Variants in GZMH observed in about 807,000 individuals in gnomAD.
GZMH encodes the protein cathepsin G-like 2, protein h-CCPX.
Under a neutral mutation model 20.7 loss-of-function variants are expected in GZMH, and 24 were observed. The observed-to-expected ratio is 1.16, with a 90% CI of 0.84 to 1.63. The LOEUF is 1.63. Ranked by LOEUF, GZMH falls within the 40% of genes most tolerant of loss-of-function variation. The probability of loss-of-function intolerance (pLI) is 0.00; values close to 1 mark genes in which losing one functional copy is unlikely to be tolerated. For missense variants in GZMH, 344 were observed against 302.7 expected (o/e 1.14, Z -1.01); for synonymous variants, 119 against 116.1 (o/e 1.02, Z -0.16).
chr14:24,608,732 T>A (rs1470271750), intron 1 of GZMH, among the ~76,000 whole-genome samples: 2 of 152,248 alleles, frequency 1.3e-5, no homozygotes, highest in Admixed American at 6.5e-5. Context: ...AGGCTCCTCC[T>A]TTTTAGTGAG....
rs1192257740 is a variant in GZMH, at chr14:24,608,431, A to C, written c.56-19T>G. The C allele has an allele frequency of 6.2e-7, 1 of 1,613,704 alleles. No homozygotes were observed. Among genetic ancestry groups the C allele is most frequent in the South Asian group, 1.1e-5 (1 of 91,016 alleles). On this transcript the variant is annotated intron_variant, in intron 1 of 4. Coordinates refer to ENST00000216338, the MANE Select transcript of GZMH (RefSeq NM_033423.5). ...ATCTCCTCTGAAAGGAAAGACTGGA[A>C]GATAAAGTAGCTGGGGATGGCTGCA...
At position 24,606,752 on chromosome 14, in the gene GZMH, A is replaced by G; in HGVS notation, c.598-6T>C. On this transcript the variant is annotated splice_region_variant and splice_polypyrimidine_tract_variant and intron_variant, in intron 4 of 4. Coordinates refer to ENST00000216338, the MANE Select transcript of GZMH (RefSeq NM_033423.5). ...AGGGGCCCCCCGGAGTCCCCCTGTG[A>G]ACAGAGAGAGGAAAGACTGAGCTAG... 6.2e-7 allele frequency: 1 copy of G among 1,611,866 alleles called. No individual in the cohort carries two copies.
At position 24,607,683 on chromosome 14, in the gene GZMH, G is replaced by A; in HGVS notation, c.268C>T (p.Pro90Ser). The change falls in exon 3 of 5, where the codon CCT (proline) becomes TCT (serine). Residue 90 changes from proline (P) to serine (S), a missense_variant. Coordinates refer to ENST00000216338, the MANE Select transcript of GZMH (RefSeq NM_033423.5). ...KEQERTQQFI[P>S]VKRPIPHPAY... ...GGATGGGGGATGGGTCTTTTCACAGGGATAAACTGCTGGGTCCGCTCCTGT... is the reference window on the plus strand; with the variant it reads ...GGATGGGGGATGGGTCTTTTCACAGAGATAAACTGCTGGGTCCGCTCCTGT... 2.5e-6 allele frequency: 4 copies of A among 1,613,830 alleles called. No individual in the cohort carries two copies. The highest frequency in any genetic ancestry group is 3.4e-6 in the Non-Finnish European group (4 of 1,179,874).
rs773896815 is a variant in GZMH, at chr14:24,607,258, A to G, written c.488T>C (p.Leu163Ser). The G allele has an allele frequency of 1.2e-6, 2 of 1,614,114 alleles. No homozygotes were observed. The highest frequency in any genetic ancestry group is 1.7e-6 in the Non-Finnish European group (2 of 1,180,012). Residue 163 changes from leucine (L) to serine (S), a missense_variant, in exon 4 of 5, where the codon TTG (leucine) becomes TCG (serine). Physicochemically the swap from Leu to Ser is moderately radical, Grantham distance 145. Transcript: ENST00000216338. ...CTGGCAGTCCTTCTGCACTGTCAGC[A>G]ACACTTCCTGCAGTGTGGTTGCTAA... Reference protein sequence around the residue: ...STLATTLQEVLLTVQKDCQCE... With the variant: ...STLATTLQEVSLTVQKDCQCE...
rs373325699 is a variant in GZMH at position 24,606,735 on chromosome 14, C to A, written c.609G>T (p.Gly203=). The change falls in exon 5 of 5, where the codon GGG becomes GGT. Residue 203 remains glycine, a synonymous_variant. Transcript: ENST00000216338. ...KTQTGFKGDS[G]GPLVCKDVAQ... ...CTACGTCCTTACACACGAGGGGCCCCCCGGAGTCCCCCTGTGAACAGAGAG... is the reference window on the plus strand; with the variant it reads ...CTACGTCCTTACACACGAGGGGCCCACCGGAGTCCCCCTGTGAACAGAGAG... The A allele has an allele frequency of 5.3e-5, 85 of 1,613,386 alleles. No individual in the cohort carries two copies. The highest frequency in any genetic ancestry group is 7.2e-5 in the Non-Finnish European group (85 of 1,179,760).
chr14:24,609,478 G>A lies in GZMH; in HGVS notation c.55+81C>T. 3 of 879,584 alleles carry A rather than the reference G, an allele frequency of 3.4e-6. No individual in the cohort carries two copies. The South Asian group carries it at 6.1e-5, about 18-fold the overall frequency. The allele number at this position is 879,584 out of a possible 1,614,324, so 54.5% of individuals were successfully genotyped here. On this transcript the variant is annotated intron_variant, in intron 1 of 4. Coordinates refer to ENST00000216338, the MANE Select transcript of GZMH (RefSeq NM_033423.5). ...GAATGGGAGGTGGGCTCAGATTGAG[G>A]AAAATTCCTGACCAGTGCTCATGGG...
intron 3 of GZMH, 59 bp from the exon 4 acceptor site, chr14:24,607,465 A>G: frequency 6.3e-7 from 1 of 1,575,038 alleles, no homozygotes; most frequent in East Asian, 2.2e-5. Flanking sequence ...GCCCCGACAC[A>G]GTGATGGGGC....
chr14:24,607,893 G>C, intron 2 of GZMH, 146 bp from the exon 3 acceptor site: 1 of 1,158,662 alleles, frequency 8.6e-7, no homozygotes, highest in Non-Finnish European at 1.2e-6. Context: ...CTGAGTGACT[G>C]TGCCCTCTAC....
At chr14:24,607,879 A>G in intron 2 of GZMH, 132 bp from the exon 3 acceptor site, 1 of 1,317,280 alleles carries the variant, frequency 7.6e-7, no homozygotes. Flanking sequence ...GGAGGGCTCC[A>G]GGGCTGAGTG....
At chr14:24,608,990 G>A (rs1489704467) in intron 1 of GZMH, among the ~76,000 whole-genome samples, 1 of 152,244 alleles carries the variant, frequency 6.6e-6, no homozygotes, top group Non-Finnish European at 1.5e-5. Flanking sequence ...GTTATCACCA[G>A]GTCAGTGGAG....
At position 24,608,332 on chromosome 14, in the gene GZMH, G is replaced by A. The variant is rs923264792; in HGVS notation, c.136C>T (p.Arg46Trp). The stretch of plus-strand genomic sequence containing the variant: ...ACTAGGATGCCGCCACACCTCTTCC[G>A]ACTCTTCTCTTGCAGAAACTGAACA... ...AFVQFLQEKS[R>W]KRCGGILVRK... The change falls in exon 2 of 5, where the codon CGG (arginine) becomes TGG (tryptophan). Residue 46 changes from arginine (R) to tryptophan (W), a missense_variant. Arg to Trp is a moderately radical substitution (Grantham distance 101, BLOSUM62 -3). Transcript: ENST00000216338. 5 of 1,614,060 alleles carry A rather than the reference G, an allele frequency of 3.1e-6. No homozygotes were observed. The highest frequency in any genetic ancestry group is 2.7e-5 in the African/African-American group (2 of 74,920).
In GZMH at chr14:24,608,325, CTCTTCCGACTCT is replaced by C. The variant is rs1443900252; in HGVS notation, c.131_142del (p.Lys44_Lys47del). ...CTTTCTCACTAGGATGCCGCCACAC[CTCTTCCGACTCT>C]TCTCTTGCAGAAACTGAACAAAGGC... is the stretch of plus-strand genomic sequence containing the variant. On this transcript the variant is annotated inframe_deletion, in exon 2 of 5. Coordinates refer to ENST00000216338, the MANE Select transcript of GZMH (RefSeq NM_033423.5). 1.2e-6 allele frequency: 2 copies of C among 1,614,076 alleles called. No individual in the cohort carries two copies. Among genetic ancestry groups the C allele is most frequent in the African/African-American group, 2.7e-5 (2 of 74,936 alleles).
chr14:24,606,793 G>T lies in GZMH; in HGVS notation c.598-47C>A, dbSNP rs377479873. ...ACTGAGCTAGTGTTCCCTGGGATGGGTGGTCTCTGTTATGGATTTTGTGTG... is the reference window on the plus strand; with the variant it reads ...ACTGAGCTAGTGTTCCCTGGGATGGTTGGTCTCTGTTATGGATTTTGTGTG... On this transcript the variant is annotated intron_variant, in intron 4 of 4. Coordinates refer to ENST00000216338, the MANE Select transcript of GZMH (RefSeq NM_033423.5). The T allele has an allele frequency of 3.8e-6, 6 of 1,569,940 alleles. No individual in the cohort carries two copies. The South Asian group carries it at 4.5e-5, about 12-fold the overall frequency.
rs1385443864 is a variant in GZMH, at chr14:24,607,415, G to A, written c.340-9C>T. 6.3e-7 allele frequency: 1 copy of A among 1,585,934 alleles called. No homozygotes were observed. Reference sequence around the variant, plus strand: ...TTGGCCTTTCTCTCCAGCTGGTGGGGAAGAAGCAAGAAAGTCCAGGTCAGG... The same window carrying A: ...TTGGCCTTTCTCTCCAGCTGGTGGGAAAGAAGCAAGAAAGTCCAGGTCAGG... On this transcript the variant is annotated splice_polypyrimidine_tract_variant and intron_variant, in intron 3 of 4. Coordinates refer to ENST00000216338, the MANE Select transcript of GZMH (RefSeq NM_033423.5).
Position 24,607,666 on chromosome 14 carries a change from G to C in GZMH, c.285C>G (p.Ile95Met). Residue 95 changes from isoleucine (I) to methionine (M), a missense_variant, in exon 3 of 5, where the codon ATC (isoleucine) becomes ATG (methionine). Physicochemically the swap from Ile to Met is conservative, Grantham distance 10. Coordinates refer to ENST00000216338, the MANE Select transcript of GZMH (RefSeq NM_033423.5). ...TCTTAGGATTATAGGCTGGATGGGG[G>C]ATGGGTCTTTTCACAGGGATAAACT... ...TQQFIPVKRPIPHPAYNPKNF... is the reference protein window; with the variant it reads ...TQQFIPVKRPMPHPAYNPKNF... 6 of 1,613,542 alleles carry C rather than the reference G, an allele frequency of 3.7e-6. No homozygotes were observed. Among genetic ancestry groups the C allele is most frequent in the Non-Finnish European group, 5.1e-6 (6 of 1,179,868 alleles).
At chr14:24,606,867 C>G in intron 4 of GZMH, 121 bp from the exon 5 acceptor site, 1 of 911,530 alleles carries the variant, frequency 1.1e-6, no homozygotes, top group Non-Finnish European at 1.7e-6. Context: ...AGTCCTGGGT[C>G]TCCAGCATGG....
In GZMH at chr14:24,607,715, A is replaced by G. The variant is rs754118977; in HGVS notation, c.236T>C (p.Ile79Thr). 1 of 1,613,976 alleles carries G rather than the reference A, an allele frequency of 6.2e-7. No homozygotes were observed. Among genetic ancestry groups the G allele is most frequent in the Non-Finnish European group, 8.5e-7 (1 of 1,179,920 alleles). The change falls in exon 3 of 5, where the codon ATC (isoleucine) becomes ACC (threonine). Residue 79 changes from isoleucine to threonine, a missense_variant. Transcript: ENST00000216338. ...CTGCTGGGTCCGCTCCTGTTCCTTG[A>G]TATTGTGGGCCCCCAAGGTGACATT... is the stretch of plus-strand genomic sequence containing the variant. The part of the protein sequence containing the change: ...SINVTLGAHN[I>T]KEQERTQQFI...
At position 24,607,672 on chromosome 14, in the gene GZMH, T is replaced by A; in HGVS notation, c.279A>T (p.Arg93Ser). The change falls in exon 3 of 5, where the codon AGA becomes AGT. Residue 93 changes from arginine (R) to serine (S), a missense_variant. Arg to Ser is a moderately radical substitution (Grantham distance 110). Transcript: ENST00000216338. ...ERTQQFIPVK[R>S]PIPHPAYNPK... is the part of the protein sequence containing the mutation. ...GATTATAGGCTGGATGGGGGATGGG[T>A]CTTTTCACAGGGATAAACTGCTGGG... 1.9e-6 allele frequency: 3 copies of A among 1,613,468 alleles called. No homozygotes were observed. The South Asian group carries it at 3.3e-5, about 18-fold the overall frequency.
In GZMH at chr14:24,609,576, G is replaced by T. The variant is rs1268074650; in HGVS notation, c.38C>A (p.Thr13Asn). ...PFLLLLAFLL[T>N]PGAGTEEIIG... Reference sequence around the variant, plus strand: ...TCACTTACCTGTCCCAGCCCCAGGGGTCAGAAGAAAGGCCAACAGGAGGAG... The same window carrying T: ...TCACTTACCTGTCCCAGCCCCAGGGTTCAGAAGAAAGGCCAACAGGAGGAG... Residue 13 changes from threonine to asparagine, a missense_variant, in exon 1 of 5, where the codon ACC becomes AAC. Thr to Asn is a moderately conservative substitution (Grantham distance 65). Coordinates refer to ENST00000216338, the MANE Select transcript of GZMH (RefSeq NM_033423.5). 3 of 1,610,458 alleles carry T rather than the reference G, an allele frequency of 1.9e-6. No homozygotes were observed. The highest frequency in any genetic ancestry group is 2.5e-6 in the Non-Finnish European group (3 of 1,178,138).
Sources: gnomAD v4.1 joint callset for allele counts (sites outside exome capture counted in the v4.1 genomes callset) on GRCh38, gnomAD v4.1.1 for gene constraint, MANE v1.5 for transcripts, NCBI Gene and HGNC (gene_info 2026-07-23, HGNC 2026-07-21) for gene names.